The following STAM variants were observed in gnomAD, a reference collection of about 807,000 sequenced individuals.
STAM encodes the protein signal transducing adaptor molecule.
STAM carries 16 observed loss-of-function variants against 63.4 expected under a neutral mutation model. The ratio of observed to expected loss-of-function variants is 0.25; its 90% CI spans 0.17 to 0.38. The LOEUF (loss-of-function observed/expected upper bound fraction) is 0.38, where lower values mean the gene tolerates loss of function less well. STAM is among the 10% of genes least tolerant of loss of function. The probability of loss-of-function intolerance (pLI) is 1.00; values close to 1 mark genes in which losing one functional copy is unlikely to be tolerated. For synonymous variants in STAM, 238 were observed against 223.9 expected (o/e 1.06, Z -0.56); for missense variants, 636 against 657.1 (o/e 0.97, Z 0.35).
Position 17,708,825 on chromosome 10 carries a change from C to G in STAM, c.1259C>G (p.Ala420Gly). 1 of 1,614,116 alleles carries G rather than the reference C, an allele frequency of 6.2e-7. No homozygotes were observed. Among genetic ancestry groups the G allele is most frequent in the Non-Finnish European group, 8.5e-7 (1 of 1,179,980 alleles). The stretch of plus-strand genomic sequence containing the variant: ...GGTGCCTACCTGGTTGCAGGGAACG[C>G]GCAGATGAGCCACCTCCAGAGCTAC... ...PSGAYLVAGN[A>G]QMSHLQSYSL... Residue 420 changes from alanine (A) to glycine (G), a missense_variant, in exon 13 of 14, where the codon GCG (alanine) becomes GGG (glycine). Ala to Gly is a moderately conservative substitution (Grantham distance 60). Coordinates refer to ENST00000377524, the MANE Select transcript of STAM (RefSeq NM_003473.4).
intron 2 of STAM, chr10:17,672,916 C>T (rs1302184572): frequency 1.1e-5 from 5 of 446,906 alleles, no homozygotes; most frequent in Non-Finnish European, 1.5e-5. Flanking sequence ...AGATAATTCT[C>T]CTTTCCCTGT....
At chr10:17,657,277 G>A (rs1554822264) in intron 1 of STAM, among the ~76,000 whole-genome samples, 1 of 152,154 alleles carries the variant, frequency 6.6e-6, no homozygotes, top group African/African-American at 2.4e-5. Flanking sequence ...ATCACTTTTA[G>A]AGAGGCAATG....
chr10:17,675,017 A>C (rs1176569381), intron 2 of STAM, among the ~76,000 whole-genome samples: 1 of 152,188 alleles, frequency 6.6e-6, no homozygotes, highest in African/African-American at 2.4e-5. Context: ...GACATGGAAA[A>C]AATTGTTCTG....
chr10:17,684,803 C>T, intron 3 of STAM, 29 bp from the exon 4 acceptor site: 1 of 1,613,012 alleles, frequency 6.2e-7, no homozygotes, highest in Non-Finnish European at 8.5e-7. Flanking sequence ...ACAATTGAGC[C>T]CCTTTAACTT....
intron 8 of STAM, 92 bp downstream of exon 8, chr10:17,696,961 C>A (rs1835786066): frequency 9.6e-7 from 1 of 1,046,382 alleles, no homozygotes; most frequent in Non-Finnish European, 1.4e-6. Flanking sequence ...GCAGTGTTGC[C>A]CAGGCTGGAG....
chr10:17,710,754 A>G (rs976618775), intron 13 of STAM, among the ~76,000 whole-genome samples: 2 of 152,222 alleles, frequency 1.3e-5, no homozygotes, highest in African/African-American at 4.8e-5. Flanking sequence ...TACACTGGCT[A>G]GGAACTCAGT....
rs531082772 is a variant in STAM at position 17,707,979 on chromosome 10, C to T, written c.1210-797C>T. On this transcript the variant is annotated intron_variant, in intron 12 of 13. Transcript: ENST00000377524. ...GATCTCAGCTCGCTGCCAGCTCCGC[C>T]TCCTGGGTTCAGGCCATTCTCCTGC... 3.9e-5 allele frequency among the ~76,000 whole-genome samples: 6 copies of T among 152,122 alleles called. No individual in the cohort carries two copies. In the South Asian group the frequency reaches 1.2e-3, roughly 32 times the overall value.
intron 1 of STAM, among the ~76,000 whole-genome samples, chr10:17,648,587 C>G (rs1426004209): frequency 6.6e-6 from 1 of 152,106 alleles, no homozygotes; most frequent in Non-Finnish European, 1.5e-5. Context: ...TTGACGTCAG[C>G]GAGACCACAA....
At chr10:17,677,247 C>T (rs10904991) in intron 2 of STAM, among the ~76,000 whole-genome samples, 3 of 152,116 alleles carry the variant, frequency 2.0e-5, no homozygotes, top group Admixed American at 2.0e-4. Context: ...CATTTCAACA[C>T]CCCTTTCCCC....
At chr10:17,701,896 C>A (rs1836015588) in intron 9 of STAM, among the ~76,000 whole-genome samples, 1 of 124,466 alleles carries the variant, frequency 8.0e-6, no homozygotes, top group South Asian at 2.4e-4. Context: ...GACTAGTTAA[C>A]ACAGCTGAGA....
intron 2 of STAM, among the ~76,000 whole-genome samples, chr10:17,670,473 A>G (rs782205313): frequency 1.3e-4 from 20 of 152,140 alleles, no homozygotes; most frequent in Admixed American, 4.6e-4. Context: ...ATGAGCAGTT[A>G]TATTTGAAGG....
At position 17,708,807 on chromosome 10, in the gene STAM, A is replaced by C; in HGVS notation, c.1241A>C (p.Tyr414Ser). The C allele has an allele frequency of 6.2e-7, 1 of 1,613,956 alleles. No homozygotes were observed. Among genetic ancestry groups the C allele is most frequent in the Admixed American group, 1.7e-5 (1 of 60,016 alleles). Residue 414 changes from tyrosine (Y) to serine (S), a missense_variant, in exon 13 of 14, where the codon TAC becomes TCC. Coordinates refer to ENST00000377524, the MANE Select transcript of STAM (RefSeq NM_003473.4). ...GCAGGGCCTCCTCCAAGTGGTGCCT[A>C]CCTGGTTGCAGGGAACGCGCAGATG... ...VYAGPPPSGA[Y>S]LVAGNAQMSH...
At chr10:17,692,910 T>C (rs550759027) in intron 5 of STAM, among the ~76,000 whole-genome samples, 2 of 152,292 alleles carry the variant, frequency 1.3e-5, no homozygotes, top group Admixed American at 1.3e-4. Context: ...TTGGAGTTTT[T>C]TTAAACACGT....
intron 5 of STAM, among the ~76,000 whole-genome samples, chr10:17,691,493 G>C (rs1391921880): frequency 6.6e-6 from 1 of 151,936 alleles, no homozygotes; most frequent in Admixed American, 6.6e-5. Context: ...ACTCCAGCCT[G>C]GGCGACAGAG....
intron 1 of STAM, among the ~76,000 whole-genome samples, chr10:17,655,112 C>G (rs998376130): frequency 3.3e-5 from 5 of 152,168 alleles, no homozygotes; most frequent in Admixed American, 3.3e-4. Flanking sequence ...CTTTACCTGT[C>G]TTTCAATTTG....
At chr10:17,681,552 C>G (rs990774074) in intron 2 of STAM, among the ~76,000 whole-genome samples, 1 of 151,876 alleles carries the variant, frequency 6.6e-6, no homozygotes. Context: ...TGTATTATTT[C>G]TAGTTCAAAT....
At chr10:17,674,927 C>T (rs1477491737) in intron 2 of STAM, among the ~76,000 whole-genome samples, 1 of 150,120 alleles carries the variant, frequency 6.7e-6, no homozygotes, top group Non-Finnish European at 1.5e-5. Flanking sequence ...ACTTGAGACA[C>T]TCAATCCTTA....
intron 5 of STAM, among the ~76,000 whole-genome samples, chr10:17,690,859 C>A (rs1835500657): frequency 1.3e-5 from 2 of 152,170 alleles, no homozygotes; most frequent in South Asian, 4.1e-4. Flanking sequence ...TAGTTGGCTG[C>A]TTAATAAGAC....
intron 2 of STAM, among the ~76,000 whole-genome samples, chr10:17,671,777 T>C (rs1362064655): frequency 6.6e-6 from 1 of 152,236 alleles, no homozygotes; most frequent in African/African-American, 2.4e-5. Flanking sequence ...TTTTCTTTTA[T>C]ATTTGCAATA....
Sources: allele counts gnomAD v4.1 joint callset (sites outside exome capture counted in the v4.1 genomes callset), GRCh38; gene constraint gnomAD v4.1.1; transcripts MANE v1.5; gene names NCBI Gene and HGNC (gene_info 2026-07-23, HGNC 2026-07-21).